Variants in WWTR1 observed in about 807,000 individuals in gnomAD.
The protein encoded by WWTR1 is WW domain-containing transcription regulator protein 1.
In WWTR1, 13 loss-of-function variants were observed where a neutral mutation model predicts 40.1. That is an observed-to-expected ratio of 0.32 (90% CI 0.21 to 0.52). The LOEUF (loss-of-function observed/expected upper bound fraction) is 0.52. WWTR1 is among the 20% of genes least tolerant of loss of function. WWTR1 has a pLI of 0.97. For synonymous variants in WWTR1, 230 were observed against 210.1 expected, an observed-to-expected ratio of 1.09 and a Z score of -0.82; for missense variants, 436 against 523.1, an observed-to-expected ratio of 0.83 and a Z score of 1.63.
chr3:149,603,888 T>C (rs1427563343), intron 2 of WWTR1, among the ~76,000 whole-genome samples: 3 of 148,296 alleles, frequency 2.0e-5, no homozygotes, highest in Non-Finnish European at 3.0e-5. Context: ...TGTGAAGCTG[T>C]ACAGATCTCA....
chr3:149,678,779 C>G (rs1169946883), intron 1 of WWTR1, among the ~76,000 whole-genome samples: 1 of 151,380 alleles, frequency 6.6e-6, no homozygotes, highest in African/African-American at 2.4e-5. Flanking sequence ...TTCATGGGAA[C>G]TTTCCAAGGT....
At chr3:149,669,188 C>G (rs1713967091) in intron 2 of WWTR1, among the ~76,000 whole-genome samples, 1 of 152,140 alleles carries the variant, frequency 6.6e-6, no homozygotes. Context: ...ACAAGAACCC[C>G]CACATATACA....
At chr3:149,631,904 G>T (rs1334968394) in intron 2 of WWTR1, among the ~76,000 whole-genome samples, 1 of 152,106 alleles carries the variant, frequency 6.6e-6, no homozygotes, top group Non-Finnish European at 1.5e-5. Flanking sequence ...TAATAAAATT[G>T]AGAACTTTAA....
At chr3:149,669,173 C>CAT (rs570326982) in intron 2 of WWTR1, among the ~76,000 whole-genome samples, 131 of 152,316 alleles carry the variant, frequency 8.6e-4, no homozygotes, top group Middle Eastern at 3.4e-3. Context: ...AGGTTATACA[C>CAT]ATATACAAGA....
chr3:149,650,454 C>T (rs1162288202), intron 2 of WWTR1, among the ~76,000 whole-genome samples: 1 of 152,180 alleles, frequency 6.6e-6, no homozygotes, highest in Admixed American at 6.5e-5. Flanking sequence ...TATACCTGTT[C>T]ATGGGATCAC....
rs563658190 is a variant in WWTR1 at position 149,594,950 on chromosome 3, CTTTTTT to C, written c.432-21956_432-21951del. Among the ~76,000 whole-genome samples the C allele has an allele frequency of 3.8e-3, 233 of 61,702 alleles. 1 individual carries two copies. Among genetic ancestry groups the C allele is most frequent in the Non-Finnish European group, 6.5e-3 (188 of 28,976 alleles). The allele number at this position is 61,702 out of a possible 152,430, so 40.5% of individuals were successfully genotyped here. A position where few individuals can be genotyped will look rare whatever the true frequency, so the allele number is the denominator to read the frequency against. On this transcript the variant is annotated intron_variant, in intron 2 of 6. Coordinates refer to ENST00000360632, the MANE Select transcript of WWTR1 (RefSeq NM_015472.6). ...CATATTGCCTATAACCTCTTTTTTA[CTTTTTT>C]TTTTTTTTTTTTTTTTTTTTTTTTG...
intron 6 of WWTR1, 106 bp downstream of exon 6, chr3:149,525,907 G>C (rs9854499): frequency 0.88 from 585,052 of 664,624 alleles, 258,094 homozygotes; most frequent in East Asian, 0.94. Context: ...TAAAATAAAA[G>C]TTGAAATTAT....
chr3:149,527,964 A>G lies in WWTR1; in HGVS notation c.777T>C (p.Ala259=). The part of the protein sequence containing the change: ...MRQEELMRQE[A]ALCRQLPMEA... ...CCATGGGGAGCTGTCGACAGAGGGC[A>G]GCTTCCTACAGTCAGAATGGGAAGC... Residue 259 remains alanine, a synonymous_variant, in exon 5 of 7, where the codon GCT becomes GCC. Coordinates refer to ENST00000360632, the MANE Select transcript of WWTR1 (RefSeq NM_015472.6). The G allele has an allele frequency of 6.2e-7, 1 of 1,613,790 alleles. No homozygotes were observed. Among genetic ancestry groups the G allele is most frequent in the Non-Finnish European group, 8.5e-7 (1 of 1,179,838 alleles).
intron 1 of WWTR1, among the ~76,000 whole-genome samples, chr3:149,701,390 T>A (rs1412835435): frequency 6.6e-6 from 1 of 152,162 alleles, no homozygotes. Context: ...GAGTTGCTCC[T>A]AACCACACCT....
chr3:149,696,615 T>C (rs1715001204), intron 1 of WWTR1, among the ~76,000 whole-genome samples: 1 of 152,220 alleles, frequency 6.6e-6, no homozygotes, highest in Non-Finnish European at 1.5e-5. Context: ...ACAGAATCTA[T>C]TCTCATGATC....
intron 3 of WWTR1, among the ~76,000 whole-genome samples, chr3:149,562,504 C>T (rs1737128723): frequency 1.3e-5 from 2 of 151,388 alleles, no homozygotes; most frequent in South Asian, 2.1e-4. Flanking sequence ...CTACAGTGAC[C>T]AAATAGCAAT....
chr3:149,570,477 G>A (rs1737564325), intron 3 of WWTR1, among the ~76,000 whole-genome samples: 1 of 152,060 alleles, frequency 6.6e-6, no homozygotes, highest in Non-Finnish European at 1.5e-5. Flanking sequence ...GCTGAGGCAT[G>A]AGAATTGCTT....
chr3:149,577,796 T>C (rs75186701), intron 2 of WWTR1, among the ~76,000 whole-genome samples: 2,529 of 152,190 alleles, frequency 0.017, 78 homozygotes, highest in African/African-American at 0.057. Flanking sequence ...TTGAAATTGG[T>C]GGGGTGGCAC....
chr3:149,722,453 CAT>C (rs1433170330), intron 4 of WWTR1, among the ~76,000 whole-genome samples: 1 of 151,778 alleles, frequency 6.6e-6, no homozygotes, highest in East Asian at 1.9e-4. Context: ...GTTTGGGTAT[CAT>C]GTGTGTTCAT....
chr3:149,527,998 T>C (rs754117236), intron 4 of WWTR1, 29 bp from the exon 5 acceptor site: 17 of 1,602,328 alleles, frequency 1.1e-5, no homozygotes, highest in East Asian at 9.0e-5. Flanking sequence ...GCAAGAGTCA[T>C]GCACTCATTG....
intron 1 of WWTR1, among the ~76,000 whole-genome samples, chr3:149,671,920 C>T (rs949918157): frequency 6.6e-6 from 1 of 152,142 alleles, no homozygotes; most frequent in African/African-American, 2.4e-5. Flanking sequence ...CTGCTCAACA[C>T]AATCAAAGCC....
chr3:149,695,765 A>C (rs1288444055), intron 1 of WWTR1, among the ~76,000 whole-genome samples: 4 of 146,074 alleles, frequency 2.7e-5, no homozygotes, highest in African/African-American at 9.9e-5. Flanking sequence ...CATCTCAAAA[A>C]AAAAAAAAAC....
intron 3 of WWTR1, among the ~76,000 whole-genome samples, chr3:149,570,429 C>T (rs760907731): frequency 6.6e-6 from 1 of 151,970 alleles, no homozygotes; most frequent in Non-Finnish European, 1.5e-5. Flanking sequence ...ATTAGCTGGG[C>T]GTGATGATAC....
chr3:149,537,245 G>T (rs1204977698), intron 4 of WWTR1, among the ~76,000 whole-genome samples: 1 of 152,220 alleles, frequency 6.6e-6, no homozygotes, highest in Admixed American at 6.5e-5. Context: ...TTGTAGAAAG[G>T]ATTCTAGGCG....
Sources: gnomAD v4.1 joint callset for allele counts (sites outside exome capture counted in the v4.1 genomes callset) on GRCh38, gnomAD v4.1.1 for gene constraint, MANE v1.5 for transcripts, NCBI Gene and HGNC (gene_info 2026-07-23, HGNC 2026-07-21) for gene names.